Variants in CCNY observed in about 807,000 individuals in gnomAD.
CCNY encodes cyclin Y.
CCNY carries 19 observed loss-of-function variants against 42.8 expected under a neutral mutation model. The ratio of observed to expected loss-of-function variants is 0.44; its 90% CI spans 0.31 to 0.65. CCNY has a LOEUF of 0.65. Among genes scored for constraint, CCNY ranks in the 30% least tolerant of loss-of-function variants. CCNY has a pLI of 0.07. For synonymous variants in CCNY, 165 were observed against 162.7 expected (o/e 1.01, Z -0.11); for missense variants, 370 against 437.3 (o/e 0.85, Z 1.37).
intron 9 of CCNY, 35 bp from the exon 10 acceptor site, chr10:35,569,019 C>A: frequency 7.1e-7 from 1 of 1,410,586 alleles, no homozygotes; most frequent in Non-Finnish European, 1.0e-6. Flanking sequence ...CAGATATGGC[C>A]CGCCCTGACC....
At chr10:35,397,965 A>G (rs1287039167) in intron 1 of CCNY, among the ~76,000 whole-genome samples, 3 of 152,166 alleles carry the variant, frequency 2.0e-5, no homozygotes, top group Admixed American at 2.0e-4. Flanking sequence ...GCTTGCTTCC[A>G]GGGCCGAGGG....
chr10:35,299,142 C>T (rs1240892418), intron 3 of CCNY, among the ~76,000 whole-genome samples: 1 of 152,146 alleles, frequency 6.6e-6, no homozygotes, highest in Admixed American at 6.5e-5. Flanking sequence ...TGGAGAAGCC[C>T]GGTATGTGAT....
chr10:35,315,420 A>G (rs1198887840), intron 3 of CCNY: 1 of 152,184 alleles, frequency 6.6e-6, no homozygotes, highest in Non-Finnish European at 1.5e-5. Flanking sequence ...AGCTCCATTC[A>G]TGTTCCTGCA....
chr10:35,280,362 A>G (rs1835285764), intron 3 of CCNY, among the ~76,000 whole-genome samples: 1 of 133,760 alleles, frequency 7.5e-6, no homozygotes, highest in Admixed American at 7.6e-5. Flanking sequence ...GGAAAGAAAG[A>G]AAGGAAGAAA....
intron 1 of CCNY, among the ~76,000 whole-genome samples, chr10:35,455,825 TAAAAAA>T (rs766510525): frequency 1.0e-5 from 1 of 99,778 alleles, no homozygotes; most frequent in African/African-American, 3.8e-5. Flanking sequence ...TTTTTTTTTT[TAAAAAA>T]AGAAAAAGAC....
intron 1 of CCNY, among the ~76,000 whole-genome samples, chr10:35,389,183 A>G (rs1449116518): frequency 6.6e-6 from 1 of 152,086 alleles, no homozygotes; most frequent in Non-Finnish European, 1.5e-5. Flanking sequence ...ACCCTCATCT[A>G]TATCAGATTA....
At chr10:35,248,613 C>T (rs2095709793) in intron 2 of CCNY, among the ~76,000 whole-genome samples, 1 of 151,944 alleles carries the variant, frequency 6.6e-6, no homozygotes, top group African/African-American at 2.4e-5. Context: ...CATTCCATTG[C>T]ACTCCAGCCT....
In CCNY at chr10:35,304,155, A is replaced by G. The variant is rs16935970; in HGVS notation, c.-9+53529A>G. On this transcript the variant is annotated intron_variant, in intron 3 of 11. Coordinates refer to the CCNY transcript ENST00000374706. ...GCACCTCCTGCACATGGGGGAGCTC[A>G]GCATAGGTTTGCTCAGTTCAGGTGA... Among the ~76,000 whole-genome samples the G allele has an allele frequency of 7.2e-3, 1,094 of 152,320 alleles. 35 individuals are homozygous for G. The South Asian group carries it at 0.1, about 14-fold the overall frequency.
chr10:35,533,609 A>C (rs1840816584), intron 7 of CCNY, among the ~76,000 whole-genome samples: 1 of 152,154 alleles, frequency 6.6e-6, no homozygotes, highest in South Asian at 2.1e-4. Context: ...CTCAAAGGGC[A>C]CATCAGGGGG....
chr10:35,567,304 G>C (rs1841591732), intron 9 of CCNY, among the ~76,000 whole-genome samples: 1 of 152,312 alleles, frequency 6.6e-6, no homozygotes, highest in East Asian at 1.9e-4. Context: ...GTGTAACTTT[G>C]GGTCTCATCA....
chr10:35,256,465 G>A (rs569922775), intron 3 of CCNY, among the ~76,000 whole-genome samples: 3 of 152,132 alleles, frequency 2.0e-5, no homozygotes, highest in South Asian at 4.2e-4. Context: ...GCTGGGCGGT[G>A]GCTCACACCT....
At position 35,525,977 on chromosome 10, in the gene CCNY, A is replaced by G. The variant is rs1184232315; in HGVS notation, c.379A>G (p.Ile127Val). 1.9e-6 allele frequency: 3 copies of G among 1,611,724 alleles called. No individual in the cohort carries two copies. Among genetic ancestry groups the G allele is most frequent in the Non-Finnish European group, 2.5e-6 (3 of 1,179,410 alleles). The change falls in exon 5 of 10, where the codon ATA becomes GTA. Residue 127 changes from isoleucine (I) to valine (V), a missense_variant. Around this residue, in one of 2 missense-constraint regions of CCNY, gnomAD observed 234 missense variants for 313.1 expected, o/e 0.75. Transcript: ENST00000374704. ...KYTIKCVALAIYYHIKNRDPD... is the reference protein window; with the variant it reads ...KYTIKCVALAVYYHIKNRDPD... ...CTATTTTTACAGTGTCGCTCTTGCA[A>G]TATATTATCACATCAAAAACAGGTA...
At chr10:35,553,885 A>G (rs1841311302) in intron 8 of CCNY, among the ~76,000 whole-genome samples, 1 of 152,206 alleles carries the variant, frequency 6.6e-6, no homozygotes, top group Non-Finnish European at 1.5e-5. Context: ...GGGGGTCTCT[A>G]GGGACTGGGA....
intron 1 of CCNY, among the ~76,000 whole-genome samples, chr10:35,482,794 GTGTGTGTT>G (rs1839700888): frequency 7.9e-6 from 1 of 126,294 alleles, no homozygotes; most frequent in Non-Finnish European, 1.7e-5. Flanking sequence ...GTGTGTGTGT[GTGTGTGTT>G]ATGTGTTTGA....
chr10:35,317,536 C>G (rs1564367254), intron 3 of CCNY, among the ~76,000 whole-genome samples: 1 of 152,168 alleles, frequency 6.6e-6, no homozygotes, highest in Non-Finnish European at 1.5e-5. Context: ...GAGTTAGGAC[C>G]AGGAAAATTC....
chr10:35,553,265 G>A, intron 8 of CCNY, 80 bp downstream of exon 8: 1 of 1,439,512 alleles, frequency 6.9e-7, no homozygotes, highest in Non-Finnish European at 9.6e-7. Flanking sequence ...CTTTTTTAAT[G>A]GTCTGTATAG....
intron 4 of CCNY, among the ~76,000 whole-genome samples, chr10:35,525,519 GA>G (rs1192152787): frequency 6.6e-6 from 1 of 152,144 alleles, no homozygotes; most frequent in African/African-American, 2.4e-5. Context: ...GTTATTAAGG[GA>G]AAAATAGCAG....
rs1836824275 is a variant in CCNY, at chr10:35,367,045, G to A, written c.154+29838G>A. 2.0e-5 allele frequency among the ~76,000 whole-genome samples: 3 copies of A among 152,140 alleles called. No individual in the cohort carries two copies. In the South Asian group the frequency reaches 6.2e-4, roughly 32 times the overall value. ...TTCTCATATAAAATTCCCTTTATAA[G>A]CATTTTGATTGACTTGGTGTGGAAA... On this transcript the variant is annotated intron_variant, in intron 1 of 9. Transcript: ENST00000374704.
At position 35,530,334 on chromosome 10, in the gene CCNY, A is replaced by G. The variant is rs567950682; in HGVS notation, c.579+91A>G. 1,590 of 1,511,308 alleles carry G rather than the reference A, an allele frequency of 1.1e-3. 40 individuals are homozygous for G. In the South Asian group the frequency reaches 0.018, roughly 17 times the overall value. 93.6% of individuals were successfully genotyped at this position (1,511,308 alleles called of 1,614,324 possible). A position where few individuals can be genotyped will look rare whatever the true frequency, so the allele number is the denominator to read the frequency against. On this transcript the variant is annotated intron_variant, in intron 7 of 9. Transcript: ENST00000374704. This position sits in a 1 kb window ranked among gnomAD's most constrained non-coding sequence, Gnocchi z 4.3. ...TCAGCGGAGTGAGGTTGGAGCAGGG[A>G]ATCCTCACCAGGTTACCCTGTGGAC...
Sources: allele counts gnomAD v4.1 joint callset (sites outside exome capture counted in the v4.1 genomes callset), GRCh38; gene constraint gnomAD v4.1.1; regional missense constraint gnomAD v4.1.1; non-coding constraint Gnocchi (gnomAD v3.1); transcripts MANE v1.5; gene names NCBI Gene and HGNC (gene_info 2026-07-23, HGNC 2026-07-21).